Variants in IKZF2 observed in about 807,000 individuals in gnomAD.
IKZF2 encodes the protein IKAROS family zinc finger 2.
A neutral mutation model predicts 49.2 loss-of-function variants in IKZF2; 15 were observed. The observed-to-expected ratio is 0.30, with a 90% CI of 0.20 to 0.47. The LOEUF is 0.47. Ranked by LOEUF, IKZF2 falls within the 20% of genes least tolerant of loss-of-function variation. The pLI is 1.00. For synonymous variants in IKZF2, 227 were observed against 221.4 expected (o/e 1.03, Z -0.23); for missense variants, 567 against 664.6 (o/e 0.85, Z 1.61).
At chr2:213,150,826 C>T (rs1559339062) in intron 1 of IKZF2, among the ~76,000 whole-genome samples, 1 of 151,554 alleles carries the variant, frequency 6.6e-6, no homozygotes, top group African/African-American at 2.4e-5. Context: ...ATCTTAATTC[C>T]ATCTCTTTCG....
At chr2:213,136,003 C>G (rs1248870526) in intron 4 of IKZF2, among the ~76,000 whole-genome samples, 4 of 144,752 alleles carry the variant, frequency 2.8e-5, no homozygotes, top group East Asian at 4.1e-4. Context: ...TGAGCCAGAT[C>G]GCGCCACGGC....
chr2:213,056,498 C>T (rs1225363148), intron 5 of IKZF2: 2 of 395,942 alleles, frequency 5.1e-6, no homozygotes, highest in Admixed American at 3.7e-5. Flanking sequence ...TATTACCTGC[C>T]CATGGGTATG....
rs377013291 is a variant in IKZF2, at chr2:213,149,787, CA to C, written c.-16+356del. On this transcript the variant is annotated intron_variant, in intron 2 of 8. Coordinates refer to ENST00000434687, the MANE Select transcript of IKZF2 (RefSeq NM_001387220.1). Reference sequence around the variant, plus strand: ...CCACCACACTCCCTTACCCCCCCCCCAAAAAAAAACTTTTATTTCTTTCTTT... The same window carrying C: ...CCACCACACTCCCTTACCCCCCCCCCAAAAAAAACTTTTATTTCTTTCTTT... Among the ~76,000 whole-genome samples, 1,079 of 123,856 alleles carry C rather than the reference CA, an allele frequency of 8.7e-3. 11 individuals carry two copies. Among genetic ancestry groups the C allele is most frequent in the African/African-American group, 0.031 (1,024 of 33,004 alleles). 81.3% of individuals were successfully genotyped at this position (123,856 alleles called of 152,430 possible). A position where few individuals can be genotyped will look rare whatever the true frequency, so the allele number is the denominator to read the frequency against.
chr2:213,017,381 CAT>C (rs1217192323), intron 7 of IKZF2, among the ~76,000 whole-genome samples: 1 of 152,154 alleles, frequency 6.6e-6, no homozygotes, highest in African/African-American at 2.4e-5. Flanking sequence ...TTCATGGAGA[CAT>C]AAAAGAATAT....
chr2:213,123,745 C>A (rs1408190481), intron 4 of IKZF2, among the ~76,000 whole-genome samples: 2 of 151,914 alleles, frequency 1.3e-5, no homozygotes, highest in African/African-American at 4.8e-5. Context: ...GCTGTTGGTA[C>A]AAAGGTGGAA....
rs1694753153 is a variant in IKZF2 at position 213,000,071 on chromosome 2, T to C, written c.*7289A>G. 1 of 151,914 alleles carries C rather than the reference T, an allele frequency of 6.6e-6. No homozygotes were observed. 9.4% of individuals were successfully genotyped at this position (151,914 alleles called of 1,614,324 possible). ...TTTTAGTCTGCAGTGATAAAACTAT[T>C]TAGCGGAGGTCTCCAAATCAGTATG... is the stretch of plus-strand genomic sequence containing the variant. On this transcript the variant is annotated 3_prime_UTR_variant, in exon 9 of 9. Transcript: ENST00000434687.
chr2:213,083,460 G>T (rs1462042096), intron 4 of IKZF2, among the ~76,000 whole-genome samples: 1 of 133,982 alleles, frequency 7.5e-6, no homozygotes, highest in Non-Finnish European at 1.5e-5. Context: ...GCGCAATCTT[G>T]GCTCACCACA....
chr2:213,014,117 G>C lies in IKZF2; in HGVS notation c.713-183C>G, dbSNP rs1394836653. 3.8e-4 allele frequency: 179 copies of C among 468,598 alleles called. 2 individuals carry two copies. Among genetic ancestry groups the C allele is most frequent in the Non-Finnish European group, 8.0e-5 (21 of 262,684 alleles). The allele number at this position is 468,598 out of a possible 1,614,324, so 29.0% of individuals were successfully genotyped here. A position where few individuals can be genotyped will look rare whatever the true frequency, so the allele number is the denominator to read the frequency against. The stretch of plus-strand genomic sequence containing the variant: ...AATTTGCACACACACATATACACCA[G>C]AGGATTTGTTTTTATTTGAGTCTCT... On this transcript the variant is annotated intron_variant, in intron 7 of 8. Coordinates refer to ENST00000434687, the MANE Select transcript of IKZF2 (RefSeq NM_001387220.1).
intron 6 of IKZF2, among the ~76,000 whole-genome samples, chr2:213,037,283 A>G (rs1699123809): frequency 6.6e-6 from 1 of 152,246 alleles, no homozygotes; most frequent in Non-Finnish European, 1.5e-5. Context: ...CTTCTAAATG[A>G]CTTGCACCAA....
At chr2:213,117,531 C>A (rs926943880) in intron 4 of IKZF2, among the ~76,000 whole-genome samples, 85 of 152,328 alleles carry the variant, frequency 5.6e-4, no homozygotes, top group African/African-American at 1.9e-3. Context: ...GCACAAGGAG[C>A]TGCTAACTGC....
intron 4 of IKZF2, among the ~76,000 whole-genome samples, chr2:213,132,586 C>T (rs1021004837): frequency 1.5e-4 from 23 of 152,140 alleles, no homozygotes; most frequent in African/African-American, 5.6e-4. Flanking sequence ...ACACATAGAG[C>T]ACCATAAGTA....
intron 2 of IKZF2, among the ~76,000 whole-genome samples, chr2:213,149,783 C>A (rs559952112): frequency 7.6e-6 from 1 of 131,086 alleles, no homozygotes; most frequent in Admixed American, 7.2e-5. Flanking sequence ...CCTTACCCCC[C>A]CCCCAAAAAA....
chr2:213,098,371 C>T (rs1706260150), intron 4 of IKZF2, among the ~76,000 whole-genome samples: 1 of 152,022 alleles, frequency 6.6e-6, no homozygotes, highest in Admixed American at 6.6e-5. Flanking sequence ...TTTGAATGTA[C>T]ATTATATAAT....
intron 5 of IKZF2, among the ~76,000 whole-genome samples, chr2:213,053,006 G>A (rs1425920356): frequency 6.6e-6 from 1 of 152,022 alleles, no homozygotes; most frequent in Non-Finnish European, 1.5e-5. Flanking sequence ...TAAATGGACT[G>A]CATCAATGTG....
At chr2:213,057,150 C>A in intron 4 of IKZF2, 51 bp from the exon 5 acceptor site, 1 of 1,445,768 alleles carries the variant, frequency 6.9e-7, no homozygotes, top group Non-Finnish European at 9.5e-7. Context: ...TATGTATTCT[C>A]ACCTACATCT....
chr2:213,063,099 C>T (rs528228663), intron 4 of IKZF2, among the ~76,000 whole-genome samples: 4 of 152,132 alleles, frequency 2.6e-5, no homozygotes, highest in African/African-American at 9.6e-5. Context: ...TTCTTCACAA[C>T]ATCCTTAAAG....
At chr2:213,024,734 T>A (rs1037927360) in intron 6 of IKZF2, among the ~76,000 whole-genome samples, 3 of 152,104 alleles carry the variant, frequency 2.0e-5, no homozygotes, top group African/African-American at 7.2e-5. Context: ...CCTTTGAAAA[T>A]TGTTTTCAGA....
intron 7 of IKZF2, among the ~76,000 whole-genome samples, chr2:213,017,993 C>T (rs145085865): frequency 9.9e-5 from 15 of 152,100 alleles, no homozygotes; most frequent in African/African-American, 3.6e-4. Context: ...TTGGGGGTGC[C>T]CAATAATGCC....
chr2:213,082,133 G>A (rs1704019264), intron 4 of IKZF2, among the ~76,000 whole-genome samples: 1 of 152,148 alleles, frequency 6.6e-6, no homozygotes, highest in African/African-American at 2.4e-5. Flanking sequence ...ATGTCAAACA[G>A]AAATTTTTCT....
Sources: gnomAD v4.1 joint callset for allele counts (sites outside exome capture counted in the v4.1 genomes callset) on GRCh38, gnomAD v4.1.1 for gene constraint, MANE v1.5 for transcripts, NCBI Gene and HGNC (gene_info 2026-07-23, HGNC 2026-07-21) for gene names.